Variants in SLC24A2 observed in about 807,000 individuals in gnomAD.
SLC24A2 encodes the protein solute carrier family 24 member 2, also known as sodium/potassium/calcium exchanger 2.
SLC24A2 carries 36 observed loss-of-function variants against 62.0 expected under a neutral mutation model. That is an observed-to-expected ratio of 0.58 (90% confidence interval 0.44 to 0.77). The LOEUF (loss-of-function observed/expected upper bound fraction) is 0.77. Ranked by LOEUF, SLC24A2 falls within the 30% of genes least tolerant of loss-of-function variation. The pLI is 0.00. For synonymous variants in SLC24A2, 358 were observed against 294.0 expected (o/e 1.22, Z -2.23); for missense variants, 846 against 817.9 (o/e 1.03, Z -0.42).
intron 2 of SLC24A2, among the ~76,000 whole-genome samples, chr9:19,760,827 A>G (rs1254703202): frequency 6.6e-6 from 1 of 150,534 alleles, no homozygotes; most frequent in Non-Finnish European, 1.5e-5. Context: ...AAAACCAAAC[A>G]CCACATGTTC....
the SLC24A2 span, among the ~76,000 whole-genome samples, chr9:20,278,141 G>A: frequency 3.3e-5 from 5 of 152,040 alleles, no homozygotes; most frequent in African/African-American, 9.7e-5. Context: ...TGTAAATGAC[G>A]AGTTAATGGG....
At chr9:20,124,090 T>C in the SLC24A2 span, among the ~76,000 whole-genome samples, 1 of 152,178 alleles carries the variant, frequency 6.6e-6, no homozygotes, top group African/African-American at 2.4e-5. Flanking sequence ...ATACTTTCTA[T>C]TCATCCTTGA....
chr9:19,702,499 T>G (rs1820385663), intron 2 of SLC24A2, among the ~76,000 whole-genome samples: 1 of 152,180 alleles, frequency 6.6e-6, no homozygotes, highest in Admixed American at 6.5e-5. Context: ...AAAACTTGAC[T>G]TTTTGCTCTA....
chr9:19,807,390 G>A, the SLC24A2 span, among the ~76,000 whole-genome samples: 1 of 152,186 alleles, frequency 6.6e-6, no homozygotes, highest in African/African-American at 2.4e-5. Context: ...TATTCAATGT[G>A]ATATTTTATT....
At chr9:20,003,223 A>G in the SLC24A2 span, among the ~76,000 whole-genome samples, 2 of 152,332 alleles carry the variant, frequency 1.3e-5, no homozygotes, top group South Asian at 2.1e-4. Context: ...TAACACACTT[A>G]TACAAAACTA....
At chr9:20,230,147 G>C in the SLC24A2 span, among the ~76,000 whole-genome samples, 1 of 152,042 alleles carries the variant, frequency 6.6e-6, no homozygotes, top group Non-Finnish European at 1.5e-5. Flanking sequence ...TGGACATTTA[G>C]GCTAGTTCCA....
At chr9:19,986,274 GTA>G in the SLC24A2 span, among the ~76,000 whole-genome samples, 6 of 152,054 alleles carry the variant, frequency 3.9e-5, no homozygotes, top group African/African-American at 1.2e-4. Context: ...TAGAAAATAA[GTA>G]TAAGTGAAAA....
At chr9:19,955,377 G>GTTTTTTTTTTTTTTT in the SLC24A2 span, among the ~76,000 whole-genome samples, 1 of 143,374 alleles carries the variant, frequency 7.0e-6, no homozygotes, top group Non-Finnish European at 1.5e-5. Flanking sequence ...AAATTCTCAG[G>GTTTTTTTTTTTTTTT]TTTTTTTTTT....
At chr9:20,070,043 ATTTT>A in the SLC24A2 span, among the ~76,000 whole-genome samples, 1 of 152,166 alleles carries the variant, frequency 6.6e-6, no homozygotes, top group Admixed American at 6.5e-5. Flanking sequence ...TCTTTGACTT[ATTTT>A]TATTATTTAT....
chr9:20,073,159 G>C, the SLC24A2 span, among the ~76,000 whole-genome samples: 78 of 152,318 alleles, frequency 5.1e-4, no homozygotes, highest in African/African-American at 1.8e-3. Flanking sequence ...GTCTCACCAA[G>C]CTGTGATCAA....
chr9:19,690,127 A>G (rs1044203395), intron 2 of SLC24A2, among the ~76,000 whole-genome samples: 1 of 149,068 alleles, frequency 6.7e-6, no homozygotes, highest in African/African-American at 2.4e-5. Flanking sequence ...CAATAACCTA[A>G]TATCTTATAG....
the SLC24A2 span, among the ~76,000 whole-genome samples, chr9:20,203,738 A>T: frequency 6.6e-6 from 1 of 152,260 alleles, no homozygotes; most frequent in African/African-American, 2.4e-5. Context: ...GCAGAAGAAG[A>T]AATTAGCTGG....
the SLC24A2 span, among the ~76,000 whole-genome samples, chr9:20,241,391 C>T: frequency 2.6e-5 from 4 of 152,180 alleles, no homozygotes; most frequent in Non-Finnish European, 5.9e-5. Flanking sequence ...ATAATGATGG[C>T]TCTGAGGTCA....
At chr9:19,856,986 T>A in the SLC24A2 span, among the ~76,000 whole-genome samples, 9 of 152,098 alleles carry the variant, frequency 5.9e-5, no homozygotes, top group Non-Finnish European at 1.0e-4. Context: ...TCTTTTAGGG[T>A]TGGGGAGTAA....
the SLC24A2 span, among the ~76,000 whole-genome samples, chr9:19,907,049 C>T: frequency 1.3e-5 from 2 of 152,148 alleles, no homozygotes; most frequent in Non-Finnish European, 2.9e-5. Context: ...ACCAATATCC[C>T]TGATGAACAT....
At chr9:19,950,048 T>C in the SLC24A2 span, among the ~76,000 whole-genome samples, 1 of 152,168 alleles carries the variant, frequency 6.6e-6, no homozygotes, top group African/African-American at 2.4e-5. Flanking sequence ...ACATTGGAAG[T>C]TGACGAGCAT....
chr9:19,608,959 C>G (rs563427029), intron 4 of SLC24A2, among the ~76,000 whole-genome samples: 3 of 152,318 alleles, frequency 2.0e-5, no homozygotes, highest in Non-Finnish European at 4.4e-5. Flanking sequence ...TTCCCTGAGC[C>G]AGCTGGTTCC....
At chr9:19,768,999 C>T (rs1007945333) in intron 2 of SLC24A2, among the ~76,000 whole-genome samples, 1 of 152,182 alleles carries the variant, frequency 6.6e-6, no homozygotes, top group Non-Finnish European at 1.5e-5. Flanking sequence ...TATCTACACT[C>T]TCGTGTCTGA....
the SLC24A2 span, among the ~76,000 whole-genome samples, chr9:19,970,463 G>C: frequency 2.0e-5 from 3 of 152,126 alleles, no homozygotes; most frequent in Non-Finnish European, 4.4e-5. Context: ...TTTCTTATTT[G>C]AAAGGAAAAT....
Sources: gnomAD v4.1 joint callset for allele counts (sites outside exome capture counted in the v4.1 genomes callset) on GRCh38, gnomAD v4.1.1 for gene constraint, MANE v1.5 for transcripts, NCBI Gene and HGNC (gene_info 2026-07-23, HGNC 2026-07-21) for gene names.